The following EPHA6 variants were observed in gnomAD, a reference collection of about 807,000 sequenced individuals.
EPHA6 encodes the protein ephrin type-A receptor 6.
EPHA6 carries 50 observed loss-of-function variants against 112.0 expected under a neutral mutation model. That is an observed-to-expected ratio of 0.45 (90% CI 0.36 to 0.56). The LOEUF is 0.56. Ranked by LOEUF, EPHA6 falls within the 20% of genes least tolerant of loss-of-function variation. EPHA6 has a pLI of 0.00. For synonymous variants in EPHA6, 529 were observed against 490.7 expected (o/e 1.08, Z -1.03); for missense variants, 1,280 against 1,417.4 (o/e 0.90, Z 1.56).
chr3:97,167,336 A>G (rs1454841200), intron 3 of EPHA6, among the ~76,000 whole-genome samples: 1 of 152,118 alleles, frequency 6.6e-6, no homozygotes, highest in Non-Finnish European at 1.5e-5. Context: ...GACGGTGCCC[A>G]GCTTTCCTCT....
At chr3:96,865,329 G>C (rs1222508177) in intron 1 of EPHA6, among the ~76,000 whole-genome samples, 1 of 151,938 alleles carries the variant, frequency 6.6e-6, no homozygotes, top group Non-Finnish European at 1.5e-5. Flanking sequence ...CTTTAGAGTA[G>C]ACACCAAACA....
At chr3:96,860,106 A>G (rs1390946743) in intron 1 of EPHA6, among the ~76,000 whole-genome samples, 1 of 152,130 alleles carries the variant, frequency 6.6e-6, no homozygotes, top group Non-Finnish European at 1.5e-5. Context: ...ACAGAGACTT[A>G]AGAAATGTTT....
chr3:97,524,822 G>T (rs2092595734), intron 10 of EPHA6, among the ~76,000 whole-genome samples: 1 of 152,192 alleles, frequency 6.6e-6, no homozygotes, highest in East Asian at 1.9e-4. Context: ...CAAGGTTTCT[G>T]TTGAGAAGTC....
chr3:97,373,685 G>C (rs576023142), intron 5 of EPHA6, among the ~76,000 whole-genome samples: 6 of 152,090 alleles, frequency 3.9e-5, no homozygotes, highest in South Asian at 2.1e-4. Context: ...ATTTGAAAGA[G>C]AGAGGTGATC....
chr3:97,310,505 T>C (rs751661141), intron 5 of EPHA6, among the ~76,000 whole-genome samples: 4 of 151,616 alleles, frequency 2.6e-5, no homozygotes, highest in African/African-American at 2.4e-5. Flanking sequence ...TGTATGATTT[T>C]GATCTTCATT....
intron 3 of EPHA6, among the ~76,000 whole-genome samples, chr3:97,044,856 T>C (rs893840061): frequency 6.6e-6 from 1 of 152,060 alleles, no homozygotes; most frequent in East Asian, 1.9e-4. Flanking sequence ...AAAAACTTGG[T>C]CACCAACTTT....
chr3:96,981,892 G>A (rs1163446678), intron 2 of EPHA6, among the ~76,000 whole-genome samples: 1 of 152,144 alleles, frequency 6.6e-6, no homozygotes, highest in Non-Finnish European at 1.5e-5. Flanking sequence ...TGTGGGATCA[G>A]TGGTGATATC....
intron 5 of EPHA6, among the ~76,000 whole-genome samples, chr3:97,381,956 ATTAC>A (rs2085766143): frequency 6.6e-6 from 1 of 152,092 alleles, no homozygotes; most frequent in African/African-American, 2.4e-5. Flanking sequence ...TAAATTATGA[ATTAC>A]TTTATTGTTC....
rs1420380938 is a variant in EPHA6 at position 97,483,958 on chromosome 3, A to G, written c.2099A>G (p.Tyr700Cys). 1 of 1,602,096 alleles carries G rather than the reference A, an allele frequency of 6.2e-7. No individual in the cohort carries two copies. Among genetic ancestry groups the G allele is most frequent in the Non-Finnish European group, 8.5e-7 (1 of 1,175,066 alleles). Residue 700 changes from tyrosine to cysteine, a missense_variant, in exon 10 of 18, where the codon TAC (tyrosine) becomes TGC (cysteine). This residue lies in a region of EPHA6 where 878 missense variants were observed against 999.7 expected (regional missense o/e 0.88). Coordinates refer to ENST00000389672, the MANE Select transcript of EPHA6 (RefSeq NM_001080448.3). ...GHLRFPGIKT[Y>C]IDPDTYEDPS... ...GTGCGCTTCCCGGGAATTAAAACTT[A>G]CATTGATCCAGATACATATGAAGAC...
chr3:97,447,901 C>T (rs549699435), intron 6 of EPHA6: 60 of 476,420 alleles, frequency 1.3e-4, no homozygotes, highest in Non-Finnish European at 1.7e-4. Context: ...AAATCTACTT[C>T]ACAGTCACTA....
At chr3:97,493,701 A>C (rs185443859) in intron 10 of EPHA6, among the ~76,000 whole-genome samples, 1 of 152,094 alleles carries the variant, frequency 6.6e-6, no homozygotes, top group Admixed American at 6.5e-5. Flanking sequence ...CTGTTATCCA[A>C]GTGTCTTCAT....
chr3:97,034,941 A>G (rs1303673563), intron 3 of EPHA6, among the ~76,000 whole-genome samples: 2 of 151,986 alleles, frequency 1.3e-5, no homozygotes, highest in South Asian at 4.1e-4. Flanking sequence ...AATTCTTTTG[A>G]AAGAAATAAA....
At chr3:97,561,039 A>T (rs1266371843) in intron 11 of EPHA6, among the ~76,000 whole-genome samples, 2 of 151,954 alleles carry the variant, frequency 1.3e-5, no homozygotes, top group Non-Finnish European at 2.9e-5. Context: ...AAGATGGTAA[A>T]CTTAATTGAT....
chr3:97,303,754 A>C (rs773555765), intron 5 of EPHA6, among the ~76,000 whole-genome samples: 3 of 152,054 alleles, frequency 2.0e-5, no homozygotes, highest in Non-Finnish European at 4.4e-5. Context: ...GCCATTTAAA[A>C]AAATAAATTT....
intron 4 of EPHA6, among the ~76,000 whole-genome samples, chr3:97,241,349 T>C (rs1202049169): frequency 6.6e-6 from 1 of 151,850 alleles, no homozygotes; most frequent in Non-Finnish European, 1.5e-5. Flanking sequence ...GGAGATTGCT[T>C]TCTTTCTGTG....
At chr3:97,611,084 A>G (rs568004136) in intron 13 of EPHA6, among the ~76,000 whole-genome samples, 1 of 151,720 alleles carries the variant, frequency 6.6e-6, no homozygotes, top group Admixed American at 6.6e-5. Flanking sequence ...TTCACTTGCT[A>G]TATGTGTGTG....
intron 14 of EPHA6, among the ~76,000 whole-genome samples, chr3:97,683,016 A>T (rs2031979677): frequency 6.6e-6 from 1 of 152,160 alleles, no homozygotes; most frequent in Admixed American, 6.5e-5. Context: ...AGTTCATTCT[A>T]AGATTTACAG....
intron 2 of EPHA6, among the ~76,000 whole-genome samples, chr3:96,980,488 T>A (rs1482572536): frequency 4.6e-5 from 7 of 152,212 alleles, no homozygotes; most frequent in Non-Finnish European, 1.5e-5. Context: ...GGTAGCATGA[T>A]GCCTCCAGCT....
At chr3:97,646,610 C>T (rs187509309) in intron 14 of EPHA6, among the ~76,000 whole-genome samples, 1 of 152,104 alleles carries the variant, frequency 6.6e-6, no homozygotes, top group Non-Finnish European at 1.5e-5. Context: ...AAAGGACTCC[C>T]ATTCCATGAG....
Sources: gnomAD v4.1 joint callset for allele counts (sites outside exome capture counted in the v4.1 genomes callset) on GRCh38, gnomAD v4.1.1 for gene constraint, gnomAD v4.1.1 regional missense constraint, MANE v1.5 for transcripts, NCBI Gene and HGNC (gene_info 2026-07-23, HGNC 2026-07-21) for gene names.